LOC128125817: variants seen among roughly 807,000 people sequenced by gnomAD.
At chr1:41,592,990 G>T in the LOC128125817 span, among the ~76,000 whole-genome samples, 1 of 152,080 alleles carries the variant, frequency 6.6e-6, no homozygotes, top group African/African-American at 2.4e-5. Flanking sequence ...CCTGTCCCCA[G>T]CCATGTCATC....
chr1:41,616,885 C>T, the LOC128125817 span, among the ~76,000 whole-genome samples: 1 of 152,198 alleles, frequency 6.6e-6, no homozygotes, highest in Non-Finnish European at 1.5e-5. Flanking sequence ...CAGTTATAAG[C>T]ACCTCACATA....
chr1:41,609,348 C>T, the LOC128125817 span, among the ~76,000 whole-genome samples: 1 of 152,252 alleles, frequency 6.6e-6, no homozygotes, highest in East Asian at 1.9e-4. Flanking sequence ...AGGGTAGGAA[C>T]AGCCAGCCCT....
the LOC128125817 span, among the ~76,000 whole-genome samples, chr1:41,600,100 T>C: frequency 6.6e-6 from 1 of 152,204 alleles, no homozygotes; most frequent in African/African-American, 2.4e-5. Flanking sequence ...TGAGTGGAAC[T>C]GTTGCACTCT....
chr1:41,597,939 G>A, the LOC128125817 span, among the ~76,000 whole-genome samples: 1 of 152,172 alleles, frequency 6.6e-6, no homozygotes, highest in African/African-American at 2.4e-5. Context: ...GTTATCTAAT[G>A]TAATGTACAT....
the LOC128125817 span, among the ~76,000 whole-genome samples, chr1:41,626,009 C>T: frequency 2.6e-5 from 4 of 152,360 alleles, no homozygotes; most frequent in Non-Finnish European, 4.4e-5. Context: ...GCTTCCATAT[C>T]CATTTTCAAA....
At chr1:41,605,722 G>C in the LOC128125817 span, among the ~76,000 whole-genome samples, 1 of 152,074 alleles carries the variant, frequency 6.6e-6, no homozygotes, top group African/African-American at 2.4e-5. Context: ...GAGCAGAAAA[G>C]GGGATGAGTG....
chr1:41,611,526 C>T, the LOC128125817 span, among the ~76,000 whole-genome samples: 1 of 152,234 alleles, frequency 6.6e-6, no homozygotes, highest in Non-Finnish European at 1.5e-5. Flanking sequence ...CACAAAGGCA[C>T]CGAAGGTTCC....
At chr1:41,588,652 A>T in the LOC128125817 span, among the ~76,000 whole-genome samples, 2 of 152,092 alleles carry the variant, frequency 1.3e-5, no homozygotes, top group Admixed American at 6.5e-5. Context: ...GTGTTTCTCC[A>T]AGCAGAGGCC....
the LOC128125817 span, among the ~76,000 whole-genome samples, chr1:41,600,045 C>A: frequency 1.3e-5 from 2 of 151,664 alleles, no homozygotes; most frequent in African/African-American, 4.8e-5. Flanking sequence ...AAAATGGCTA[C>A]AACAAAAAAA....
chr1:41,587,859 G>A, the LOC128125817 span, among the ~76,000 whole-genome samples: 5 of 152,302 alleles, frequency 3.3e-5, no homozygotes, highest in South Asian at 4.1e-4. Flanking sequence ...GGCATGATGC[G>A]CACTGCAGTC....
At chr1:41,593,779 T>C in the LOC128125817 span, among the ~76,000 whole-genome samples, 1 of 152,282 alleles carries the variant, frequency 6.6e-6, no homozygotes, top group Non-Finnish European at 1.5e-5. Context: ...ATGCAAAATT[T>C]ACTATCTTAT....
At chr1:41,593,405 A>G in the LOC128125817 span, among the ~76,000 whole-genome samples, 4 of 152,028 alleles carry the variant, frequency 2.6e-5, no homozygotes, top group African/African-American at 9.7e-5. Flanking sequence ...TTTTGGCTGT[A>G]CTCAAACTCA....
the LOC128125817 span, among the ~76,000 whole-genome samples, chr1:41,619,701 G>A: frequency 0.015 from 2,285 of 152,274 alleles, 69 homozygotes; most frequent in African/African-American, 0.052. Context: ...AGGCTCAGCA[G>A]AGGGAGAGCC....
At chr1:41,588,341 G>A in the LOC128125817 span, among the ~76,000 whole-genome samples, 1 of 152,166 alleles carries the variant, frequency 6.6e-6, no homozygotes, top group East Asian at 1.9e-4. Context: ...TCTTCCGATG[G>A]ATGGATGGGA....
At chr1:41,594,389 A>C in the LOC128125817 span, among the ~76,000 whole-genome samples, 1 of 151,650 alleles carries the variant, frequency 6.6e-6, no homozygotes, top group Admixed American at 6.6e-5. Flanking sequence ...CACCCAGATA[A>C]TTTTCGTATT....
chr1:41,589,595 G>A, the LOC128125817 span, among the ~76,000 whole-genome samples: 1 of 152,230 alleles, frequency 6.6e-6, no homozygotes, highest in Admixed American at 6.5e-5. Flanking sequence ...CAGAGGGCAG[G>A]TGGGAGATGG....
the LOC128125817 span, among the ~76,000 whole-genome samples, chr1:41,587,560 C>T: frequency 3.9e-5 from 6 of 152,220 alleles, no homozygotes; most frequent in Admixed American, 2.0e-4. Context: ...ATTTGCCTTA[C>T]GGCCAAAACT....
At chr1:41,615,557 A>T in the LOC128125817 span, among the ~76,000 whole-genome samples, 1 of 152,382 alleles carries the variant, frequency 6.6e-6, no homozygotes, top group Non-Finnish European at 1.5e-5. Context: ...ACTGCCCAGA[A>T]ACAGTGGCAG....
chr1:41,621,017 G>A, the LOC128125817 span, among the ~76,000 whole-genome samples: 1 of 152,200 alleles, frequency 6.6e-6, no homozygotes, highest in Admixed American at 6.5e-5. Flanking sequence ...AATTGACAGT[G>A]TGACCCTGGG....
Sources: gnomAD v4.1 joint callset for allele counts (sites outside exome capture counted in the v4.1 genomes callset) on GRCh38, gnomAD v4.1.1 for gene constraint, MANE v1.5 for transcripts.